The following PRIM2 variants were observed in gnomAD, a reference collection of about 807,000 sequenced individuals.
PRIM2 encodes the protein DNA primase subunit 2.
Under a neutral mutation model 67.3 loss-of-function variants are expected in PRIM2, and 39 were observed. That is an observed-to-expected ratio of 0.58 (90% CI 0.45 to 0.76). PRIM2 has a LOEUF of 0.76. Among genes scored for constraint, PRIM2 ranks in the 30% least tolerant of loss-of-function variants. The pLI is 0.00. For missense variants in PRIM2, 398 were observed against 598.7 expected (o/e 0.66, Z 3.50); for synonymous variants, 143 against 198.7 (o/e 0.72, Z 2.36).
rs1273968020 is a variant in PRIM2, at chr6:57,337,391, A to G, written c.459+11346A>G. 5.9e-5 allele frequency among the ~76,000 whole-genome samples: 9 copies of G among 151,976 alleles called. No homozygotes were observed. The East Asian group carries it at 1.7e-3, about 29-fold the overall frequency. On this transcript the variant is annotated intron_variant, in intron 5 of 13. Coordinates refer to ENST00000615550, the MANE Select transcript of PRIM2 (RefSeq NM_000947.5). ...GACATCTACAGAACTCTCCACCCCA[A>G]ATCAACAGAATATACATTTTTTTCA...
rs1168728760 is a variant in PRIM2, at chr6:57,504,591, C to T, written c.694-2796C>T. ...TCTATGATGGTTCCCATGAAATAGC[C>T]CAAACTTAAACAACTCGTTTAGGCT... is the stretch of plus-strand genomic sequence containing the variant. On this transcript the variant is annotated intron_variant, in intron 7 of 13. Transcript: ENST00000615550. 7.2e-4 allele frequency among the ~76,000 whole-genome samples: 109 copies of T among 151,396 alleles called. No individual in the cohort carries two copies. The East Asian group carries it at 0.02, about 28-fold the overall frequency.
intron 7 of PRIM2, among the ~76,000 whole-genome samples, chr6:57,502,214 A>G (rs1554346934): frequency 6.6e-6 from 1 of 152,216 alleles, no homozygotes; most frequent in Non-Finnish European, 1.5e-5. Context: ...ATGGGAGGTC[A>G]GACATGCCTC....
intron 7 of PRIM2, among the ~76,000 whole-genome samples, chr6:57,384,733 G>T (rs1238896556): frequency 5.9e-5 from 9 of 152,166 alleles, no homozygotes; most frequent in Non-Finnish European, 1.3e-4. Flanking sequence ...GGAGAATGAA[G>T]ATGGGGAGGC....
chr6:57,433,861 T>G (rs1435459334), intron 7 of PRIM2, among the ~76,000 whole-genome samples: 1 of 152,014 alleles, frequency 6.6e-6, no homozygotes, highest in African/African-American at 2.4e-5. Context: ...TAGAAAGACT[T>G]GGGTTTGAAT....
chr6:57,420,185 T>C (rs1771420389), intron 7 of PRIM2, among the ~76,000 whole-genome samples: 1 of 152,206 alleles, frequency 6.6e-6, no homozygotes, highest in Non-Finnish European at 1.5e-5. Context: ...TTAGTTCCTC[T>C]TTTGAGCCTG....
chr6:57,645,299 CCTCA>C (rs1777314481), intron 13 of PRIM2, among the ~76,000 whole-genome samples: 1 of 145,152 alleles, frequency 6.9e-6, no homozygotes, highest in African/African-American at 2.5e-5. Flanking sequence ...CTAACCTGTG[CCTCA>C]CTAACATACA....
At chr6:57,518,755 GT>G (rs1774540996) in intron 8 of PRIM2, among the ~76,000 whole-genome samples, 1 of 152,178 alleles carries the variant, frequency 6.6e-6, no homozygotes, top group African/African-American at 2.4e-5. Context: ...ATGTACTGCT[GT>G]TTTTATCTTT....
At chr6:57,617,315 G>T (rs1465425496) in intron 12 of PRIM2, among the ~76,000 whole-genome samples, 1 of 152,070 alleles carries the variant, frequency 6.6e-6, no homozygotes, top group Admixed American at 6.6e-5. Flanking sequence ...TTGGATTAGG[G>T]CTTACCTTAA....
At chr6:57,278,217 C>T in the PRIM2 span, among the ~76,000 whole-genome samples, 2 of 151,750 alleles carry the variant, frequency 1.3e-5, no homozygotes, top group African/African-American at 2.4e-5. Flanking sequence ...ATCCCAGCTA[C>T]TCGGGAGGCT....
chr6:57,455,894 C>G (rs1772756650), intron 7 of PRIM2, among the ~76,000 whole-genome samples: 1 of 152,170 alleles, frequency 6.6e-6, no homozygotes, highest in African/African-American at 2.4e-5. Flanking sequence ...ATGGTCTTTA[C>G]AATTTGGCAT....
chr6:57,471,125 T>C (rs1294355787), intron 7 of PRIM2, among the ~76,000 whole-genome samples: 1 of 152,000 alleles, frequency 6.6e-6, no homozygotes, highest in Non-Finnish European at 1.5e-5. Flanking sequence ...ATTTTCCGAG[T>C]CCCTTGGAAT....
chr6:57,464,873 A>G (rs1332969232), intron 7 of PRIM2, among the ~76,000 whole-genome samples: 2 of 152,160 alleles, frequency 1.3e-5, no homozygotes, highest in African/African-American at 4.8e-5. Context: ...TCTTAACAGT[A>G]TACTTTAAGG....
At chr6:57,531,516 G>A (rs1458549066) in intron 8 of PRIM2, among the ~76,000 whole-genome samples, 2 of 152,158 alleles carry the variant, frequency 1.3e-5, no homozygotes, top group African/African-American at 4.8e-5. Context: ...ATGCACCTGA[G>A]TCTGTGTTCA....
intron 12 of PRIM2, among the ~76,000 whole-genome samples, chr6:57,628,568 T>G (rs1294904605): frequency 6.6e-6 from 1 of 152,222 alleles, no homozygotes; most frequent in East Asian, 1.9e-4. Context: ...TGCTGAGGCT[T>G]GGGCTGCTAA....
At chr6:57,395,205 C>CTCTA (rs1397168861) in intron 7 of PRIM2, among the ~76,000 whole-genome samples, 1 of 152,124 alleles carries the variant, frequency 6.6e-6, no homozygotes, top group Non-Finnish European at 1.5e-5. Context: ...TTCCTTCTTT[C>CTCTA]TCTATCCCGT....
chr6:57,617,370 A>G (rs1776774497), intron 12 of PRIM2, among the ~76,000 whole-genome samples: 1 of 152,374 alleles, frequency 6.6e-6, no homozygotes, highest in Non-Finnish European at 1.5e-5. Flanking sequence ...TTTCCAAATA[A>G]GATCACATTT....
At chr6:57,591,400 C>A (rs1454546702) in intron 10 of PRIM2, among the ~76,000 whole-genome samples, 4 of 151,988 alleles carry the variant, frequency 2.6e-5, no homozygotes, top group African/African-American at 9.7e-5. Flanking sequence ...TATGTGTGAC[C>A]CTGATGCTGA....
chr6:57,248,103 C>T, the PRIM2 span, among the ~76,000 whole-genome samples: 47 of 152,190 alleles, frequency 3.1e-4, 1 homozygote, highest in Admixed American at 7.8e-4. Flanking sequence ...AGTCATGTGG[C>T]GTAACCAAAT....
chr6:57,309,147 T>G, the PRIM2 span, among the ~76,000 whole-genome samples: 1 of 151,988 alleles, frequency 6.6e-6, no homozygotes, highest in Admixed American at 6.6e-5. Context: ...CTCTTTTTTT[T>G]TTTTTATTAT....
Sources: allele counts gnomAD v4.1 joint callset (sites outside exome capture counted in the v4.1 genomes callset), GRCh38; gene constraint gnomAD v4.1.1; transcripts MANE v1.5; gene names NCBI Gene and HGNC (gene_info 2026-07-23, HGNC 2026-07-21).